ATRNL1: variants seen among roughly 807,000 people sequenced by gnomAD.
ATRNL1 encodes attractin like 1, also known as attractin-like protein 1.
In ATRNL1, 95 loss-of-function variants were observed where a neutral mutation model predicts 182.7. The ratio of observed to expected loss-of-function variants is 0.52; its 90% CI spans 0.44 to 0.62. The LOEUF is 0.62. Among genes scored for constraint, ATRNL1 ranks in the 20% least tolerant of loss-of-function variants. The pLI, the probability that ATRNL1 is intolerant of heterozygous loss-of-function variation, is 0.00. For missense variants in ATRNL1, 1,471 were observed against 1,679.5 expected, an observed-to-expected ratio of 0.88 and a Z score of 2.17; for synonymous variants, 576 against 568.3, an observed-to-expected ratio of 1.01 and a Z score of -0.19.
At chr10:115,570,874 C>T (rs1854348358) in intron 26 of ATRNL1, among the ~76,000 whole-genome samples, 3 of 152,176 alleles carry the variant, frequency 2.0e-5, no homozygotes, top group Admixed American at 2.0e-4. Context: ...ACTGAGCCCT[C>T]AGTTAGGACT....
At chr10:115,912,399 C>T (rs1952707783) in intron 28 of ATRNL1, among the ~76,000 whole-genome samples, 1 of 116,752 alleles carries the variant, frequency 8.6e-6, no homozygotes, top group African/African-American at 3.0e-5. Flanking sequence ...TAGTGAAATA[C>T]ATATATATAT....
intron 25 of ATRNL1, among the ~76,000 whole-genome samples, chr10:115,542,533 C>T (rs1027287665): frequency 2.6e-5 from 4 of 151,986 alleles, no homozygotes; most frequent in Non-Finnish European, 4.4e-5. Context: ...GGAACTGCTG[C>T]GTTCATTTTT....
At chr10:115,768,852 G>A (rs1407993384) in intron 27 of ATRNL1, among the ~76,000 whole-genome samples, 1 of 151,850 alleles carries the variant, frequency 6.6e-6, no homozygotes, top group East Asian at 1.9e-4. Context: ...AAAACATAAA[G>A]TACTTTGTTT....
intron 28 of ATRNL1, among the ~76,000 whole-genome samples, chr10:115,866,151 T>G (rs1951435584): frequency 6.6e-6 from 1 of 152,200 alleles, no homozygotes; most frequent in African/African-American, 2.4e-5. Flanking sequence ...TTGTTAAAAT[T>G]TTTTAATGCT....
At chr10:115,527,613 A>C (rs1279753353) in intron 25 of ATRNL1, among the ~76,000 whole-genome samples, 2 of 152,096 alleles carry the variant, frequency 1.3e-5, no homozygotes, top group Non-Finnish European at 2.9e-5. Flanking sequence ...GGAGGTTTTT[A>C]ATTTTTTCCT....
At chr10:115,182,771 A>G (rs150170787) in intron 8 of ATRNL1, among the ~76,000 whole-genome samples, 248 of 151,720 alleles carry the variant, frequency 1.6e-3, no homozygotes, top group African/African-American at 5.6e-3. Flanking sequence ...GATATATATT[A>G]GAAGAATATT....
intron 15 of ATRNL1, among the ~76,000 whole-genome samples, chr10:115,291,810 GTTT>G (rs869274544): frequency 1.7e-5 from 2 of 120,080 alleles, no homozygotes; most frequent in African/African-American, 3.2e-5. Flanking sequence ...TGGCCTCTAG[GTTT>G]TTTTTTTTTT....
At chr10:115,937,047 C>T (rs1565501063) in intron 28 of ATRNL1, among the ~76,000 whole-genome samples, 2 of 152,132 alleles carry the variant, frequency 1.3e-5, no homozygotes, top group African/African-American at 2.4e-5. Context: ...TGCCAAGAAC[C>T]GTGAGGATTT....
In ATRNL1 at chr10:115,135,998, A is replaced by G. The variant is rs1291562517; in HGVS notation, c.829+6463A>G. ...CTCAGCCTCCGGAGTAGCTGGCACC[A>G]CAGGTTGCACACCACCATTCCCAGC... is the stretch of plus-strand genomic sequence containing the variant. On this transcript the variant is annotated intron_variant, in intron 5 of 28. Transcript: ENST00000355044. 1.2e-4 allele frequency among the ~76,000 whole-genome samples: 18 copies of G among 150,830 alleles called. No individual in the cohort carries two copies. In the East Asian group the frequency reaches 2.3e-3, roughly 20 times the overall value.
At chr10:115,713,690 TA>T (rs1947145156) in intron 26 of ATRNL1, among the ~76,000 whole-genome samples, 1 of 113,390 alleles carries the variant, frequency 8.8e-6, no homozygotes, top group Admixed American at 9.5e-5. Flanking sequence ...TCTATCTATC[TA>T]TCTATCTATC....
At chr10:115,853,417 C>T (rs2134370835) in intron 28 of ATRNL1, among the ~76,000 whole-genome samples, 1 of 152,306 alleles carries the variant, frequency 6.6e-6, no homozygotes, top group Admixed American at 6.5e-5. Context: ...GTACATTTCC[C>T]ATAATCTCAG....
At chr10:115,534,976 C>T (rs577652647) in intron 25 of ATRNL1, among the ~76,000 whole-genome samples, 208 of 152,250 alleles carry the variant, frequency 1.4e-3, no homozygotes, top group African/African-American at 4.5e-3. Context: ...CTGAGAGATC[C>T]GCTGTTAGTC....
At chr10:115,773,390 C>A (rs1949041776) in intron 27 of ATRNL1, among the ~76,000 whole-genome samples, 1 of 152,106 alleles carries the variant, frequency 6.6e-6, no homozygotes, top group African/African-American at 2.4e-5. Flanking sequence ...AAGAAAATTG[C>A]TTTGGGAAGT....
chr10:115,459,868 C>T (rs1036938338), intron 21 of ATRNL1, among the ~76,000 whole-genome samples: 10 of 152,082 alleles, frequency 6.6e-5, no homozygotes, highest in Non-Finnish European at 1.0e-4. Flanking sequence ...TTTAAAATTT[C>T]TCTCTTTTGT....
intron 8 of ATRNL1, among the ~76,000 whole-genome samples, chr10:115,182,413 A>C (rs556634419): frequency 6.6e-6 from 1 of 151,636 alleles, no homozygotes; most frequent in East Asian, 1.9e-4. Context: ...AAATAAAAGC[A>C]AAGAAATATC....
intron 28 of ATRNL1, among the ~76,000 whole-genome samples, chr10:115,938,868 A>G (rs1555123501): frequency 6.6e-6 from 1 of 152,144 alleles, no homozygotes; most frequent in Non-Finnish European, 1.5e-5. Context: ...GGATGGGGAA[A>G]GGGAAGGTTT....
At chr10:115,452,653 T>C (rs1439432218) in intron 21 of ATRNL1, among the ~76,000 whole-genome samples, 1 of 152,142 alleles carries the variant, frequency 6.6e-6, no homozygotes, top group South Asian at 2.1e-4. Flanking sequence ...AGACTATAAA[T>C]ATATCCATCC....
At position 115,205,966 on chromosome 10, in the gene ATRNL1, T is replaced by C. The variant is rs567409385; in HGVS notation, c.1349-9731T>C. 3.3e-5 allele frequency among the ~76,000 whole-genome samples: 5 copies of C among 152,126 alleles called. No homozygotes were observed. The South Asian group carries it at 1.0e-3, about 31-fold the overall frequency. On this transcript the variant is annotated intron_variant, in intron 8 of 28. Transcript: ENST00000355044. Reference sequence around the variant, plus strand: ...TTGCCTTCTGCTTCATATCCCTTCATCTGAAGAGCCTCATCTAGCATTTCT... The same window carrying C: ...TTGCCTTCTGCTTCATATCCCTTCACCTGAAGAGCCTCATCTAGCATTTCT...
intron 26 of ATRNL1, among the ~76,000 whole-genome samples, chr10:115,723,313 T>C (rs1348564827): frequency 6.6e-6 from 1 of 152,106 alleles, no homozygotes; most frequent in African/African-American, 2.4e-5. Flanking sequence ...TAGTCACTGC[T>C]TTGTTTTTTA....
Sources: gnomAD v4.1 joint callset for allele counts (sites outside exome capture counted in the v4.1 genomes callset) on GRCh38, gnomAD v4.1.1 for gene constraint, MANE v1.5 for transcripts, NCBI Gene and HGNC (gene_info 2026-07-23, HGNC 2026-07-21) for gene names.